Variants in SLC9A3 observed in about 807,000 individuals in gnomAD.
The protein encoded by SLC9A3 is solute carrier family 9 member A3, also known as sodium/hydrogen exchanger 3.
A neutral mutation model predicts 86.8 loss-of-function variants in SLC9A3; 37 were observed. The ratio of observed to expected loss-of-function variants is 0.43; its 90% CI spans 0.33 to 0.56. SLC9A3 has a LOEUF of 0.56. Ranked by LOEUF, SLC9A3 falls within the 20% of genes least tolerant of loss-of-function variation. SLC9A3 has a pLI of 0.06. For synonymous variants in SLC9A3, 581 were observed against 528.3 expected (o/e 1.10, Z -1.37); for missense variants, 1,011 against 1,171.9 (o/e 0.86, Z 2.00).
chr5:506,084 A>G (rs1475892939), intron 1 of SLC9A3, among the ~76,000 whole-genome samples: 1 of 152,046 alleles, frequency 6.6e-6, no homozygotes, highest in Non-Finnish European at 1.5e-5. Flanking sequence ...TTGTGCAGGT[A>G]GACGGTGAGG....
intron 6 of SLC9A3, 54 bp downstream of exon 6, chr5:483,208 G>C: frequency 7.3e-7 from 1 of 1,362,410 alleles, no homozygotes; most frequent in Non-Finnish European, 1.0e-6. Flanking sequence ...CGCCTTCCCG[G>C]AGACGGTGCC....
At chr5:475,988 G>T in intron 14 of SLC9A3, 32 bp downstream of exon 14, 1 of 1,568,704 alleles carries the variant, frequency 6.4e-7, no homozygotes, top group Non-Finnish European at 8.7e-7. Context: ...GTGGCTCCCA[G>T]TCCCAGCGTT....
chr5:472,838 G>C lies in SLC9A3; in HGVS notation c.*541C>G, dbSNP rs530682840. The C allele has an allele frequency of 5.1e-4, 267 of 520,704 alleles. 1 individual carries two copies. Among genetic ancestry groups the C allele is most frequent in the African/African-American group, 4.8e-3 (232 of 48,656 alleles). The allele number at this position is 520,704 out of a possible 1,614,324, so 32.3% of individuals were successfully genotyped here. On this transcript the variant is annotated 3_prime_UTR_variant, in exon 17 of 17. Coordinates refer to ENST00000264938, the MANE Select transcript of SLC9A3 (RefSeq NM_004174.4). ...CAGTCCCCGGGCGCGGGGCTCGGTT[G>C]GGGGGGCCCGGAACCTTGGGCTGGT...
In SLC9A3 at chr5:497,961, G is replaced by A. The variant is rs1334689455; in HGVS notation, c.212-5890C>T. Among the ~76,000 whole-genome samples, 1 of 152,224 alleles carries A rather than the reference G, an allele frequency of 6.6e-6. No homozygotes were observed. Among genetic ancestry groups the A allele is most frequent in the Non-Finnish European group, 1.5e-5 (1 of 68,044 alleles). On this transcript the variant is annotated intron_variant, in intron 1 of 16. Coordinates refer to ENST00000264938, the MANE Select transcript of SLC9A3 (RefSeq NM_004174.4). This position sits in a 1 kb window ranked among gnomAD's most constrained non-coding sequence, Gnocchi z 5.4. ...ACTCAGGCACCTGCTGGTCAGCTAT[G>A]AAGCCTTAGCCTCGCTTGTGGGAGT...
At chr5:523,135 T>C in intron 1 of SLC9A3, among the ~76,000 whole-genome samples, 1 of 152,134 alleles carries the variant, frequency 6.6e-6, no homozygotes, top group African/African-American at 2.4e-5. Flanking sequence ...GGGGAGACCC[T>C]GGCATAAATA....
rs1476311015 is a variant in SLC9A3 at position 472,039 on chromosome 5, C to T, written c.*1340G>A. 8.8e-6 allele frequency: 4 copies of T among 455,376 alleles called. No homozygotes were observed. Among genetic ancestry groups the T allele is most frequent in the Non-Finnish European group, 1.3e-5 (3 of 226,234 alleles). 28.2% of individuals were successfully genotyped at this position (455,376 alleles called of 1,614,324 possible). ...GCTTTAGAAAAGCCCCTAGGAGTGT[C>T]CACCTCCACCACTTCCACCGTGCAG... On this transcript the variant is annotated 3_prime_UTR_variant, in exon 17 of 17. Coordinates refer to ENST00000264938, the MANE Select transcript of SLC9A3 (RefSeq NM_004174.4).
intron 1 of SLC9A3, among the ~76,000 whole-genome samples, chr5:518,469 C>G (rs550862620): frequency 2.0e-5 from 3 of 152,284 alleles, no homozygotes; most frequent in Admixed American, 2.0e-4. Flanking sequence ...ACCCAGAAAC[C>G]TGGCACGCCA....
chr5:512,047 C>G (rs1733562946), intron 1 of SLC9A3, among the ~76,000 whole-genome samples: 1 of 152,218 alleles, frequency 6.6e-6, no homozygotes, highest in South Asian at 2.1e-4. Flanking sequence ...ACACGACATT[C>G]TGGAAAAGGC....
chr5:523,989 G>A (rs1292358941), intron 1 of SLC9A3, 123 bp downstream of exon 1: 1 of 521,126 alleles, frequency 1.9e-6, no homozygotes, highest in Non-Finnish European at 3.1e-6. Flanking sequence ...CCGAGAGCCG[G>A]ACTCTCCCGG....
intron 11 of SLC9A3, 116 bp downstream of exon 11, chr5:477,216 C>T (rs1738803825): frequency 2.9e-6 from 2 of 684,920 alleles, no homozygotes; most frequent in South Asian, 2.0e-5. Context: ...TCTTTCTGCA[C>T]CTCTCCCCTC....
chr5:498,096 G>A (rs939777060), intron 1 of SLC9A3, among the ~76,000 whole-genome samples: 2 of 152,138 alleles, frequency 1.3e-5, no homozygotes, highest in Non-Finnish European at 2.9e-5. Flanking sequence ...ACTCCTGGAC[G>A]TCTCTCGGAC....
rs957590144 is a variant in SLC9A3, at chr5:477,664, G to C, written c.1648-220C>G. On this transcript the variant is annotated intron_variant, in intron 10 of 16. Coordinates refer to ENST00000264938, the MANE Select transcript of SLC9A3 (RefSeq NM_004174.4). ...GTCCGTCTGAGGCCACAGCCAGGCT[G>C]CTGCCTGAACTGGGCAGAGGTCATG... is the stretch of plus-strand genomic sequence containing the variant. 3.9e-5 allele frequency: 20 copies of C among 518,830 alleles called. No individual in the cohort carries two copies. The Admixed American group carries it at 4.2e-4, about 11-fold the overall frequency. 32.1% of individuals were successfully genotyped at this position (518,830 alleles called of 1,614,324 possible). A position where few individuals can be genotyped will look rare whatever the true frequency, so the allele number is the denominator to read the frequency against.
intron 1 of SLC9A3, among the ~76,000 whole-genome samples, chr5:506,258 G>A (rs1224895233): frequency 6.6e-6 from 1 of 152,168 alleles, no homozygotes; most frequent in African/African-American, 2.4e-5. Context: ...TGATATTGAT[G>A]CCACCCAGAG....
Position 472,685 on chromosome 5 carries a change from T to C in SLC9A3, c.*694A>G. 1.9e-6 allele frequency: 1 copy of C among 517,032 alleles called. No individual in the cohort carries two copies. Among genetic ancestry groups the C allele is most frequent in the Non-Finnish European group, 3.8e-6 (1 of 266,342 alleles). 32.0% of individuals were successfully genotyped at this position (517,032 alleles called of 1,614,324 possible). ...GACGTTCCTGCCACTTTACCTGCAGTTCAAAGACCTGGCGAGGGCCTGGAA... is the reference window on the plus strand; with the variant it reads ...GACGTTCCTGCCACTTTACCTGCAGCTCAAAGACCTGGCGAGGGCCTGGAA... On this transcript the variant is annotated 3_prime_UTR_variant, in exon 17 of 17. Transcript: ENST00000264938.
chr5:500,072 G>A (rs998602787), intron 1 of SLC9A3, among the ~76,000 whole-genome samples: 2 of 152,272 alleles, frequency 1.3e-5, no homozygotes, highest in Admixed American at 1.3e-4. Context: ...TCTACCAGAA[G>A]AGCCTCAGGT....
At chr5:480,836 A>G (rs950752229) in intron 9 of SLC9A3, 3 of 152,298 alleles carry the variant, frequency 2.0e-5, no homozygotes, top group Non-Finnish European at 2.9e-5. Context: ...TGGGTTTATT[A>G]TAAGTGTCAC....
At chr5:507,101 T>C (rs1226164547) in intron 1 of SLC9A3, among the ~76,000 whole-genome samples, 1 of 135,386 alleles carries the variant, frequency 7.4e-6, no homozygotes, top group Non-Finnish European at 1.6e-5. Flanking sequence ...AATAAATAAA[T>C]AAATAAATAA....
rs1459817380 is a variant in SLC9A3, at chr5:470,675, TAACA to T, written c.*2700_*2703del. The T allele has an allele frequency of 2.0e-5, 3 of 152,318 alleles. No homozygotes were observed. Among genetic ancestry groups the T allele is most frequent in the Non-Finnish European group, 4.4e-5 (3 of 68,032 alleles). The allele number at this position is 152,318 out of a possible 1,614,324, so 9.4% of individuals were successfully genotyped here. On this transcript the variant is annotated 3_prime_UTR_variant, in exon 17 of 17. Transcript: ENST00000264938. ...TTGATTAATATTATAGCTGCAAAAT[TAACA>T]TACACAATTTTCACTCATAATTTAA... is the stretch of plus-strand genomic sequence containing the variant.
In SLC9A3 at chr5:485,209, G is replaced by T. The variant is rs1739408176; in HGVS notation, c.698C>A (p.Ser233Tyr). The T allele has an allele frequency of 6.2e-7, 1 of 1,613,786 alleles. No homozygotes were observed. The highest frequency in any genetic ancestry group is 1.3e-5 in the African/African-American group (1 of 74,934). Residue 233 changes from serine to tyrosine, a missense_variant, in exon 4 of 17, where the codon TCT becomes TAT. Physicochemically the swap from Ser to Tyr is moderately radical, Grantham distance 144 (BLOSUM62 -2). Coordinates refer to ENST00000264938, the MANE Select transcript of SLC9A3 (RefSeq NM_004174.4). ...GTTGTCACCTCCCAGCGCCACGAAAGATTCAAACACATTGTACAGAACCTG... is the reference window on the plus strand; with the variant it reads ...GTTGTCACCTCCCAGCGCCACGAAATATTCAAACACATTGTACAGAACCTG... Reference protein sequence around the residue: ...VTVVLYNVFESFVALGGDNVT... With the variant: ...VTVVLYNVFEYFVALGGDNVT...
Sources: gnomAD v4.1 joint callset for allele counts (sites outside exome capture counted in the v4.1 genomes callset) on GRCh38, gnomAD v4.1.1 for gene constraint, Gnocchi (gnomAD v3.1) non-coding constraint, MANE v1.5 for transcripts, NCBI Gene and HGNC (gene_info 2026-07-23, HGNC 2026-07-21) for gene names.